Variants in TACC2 observed in about 807,000 individuals in gnomAD.
TACC2 encodes the protein transforming acidic coiled-coil containing protein 2.
TACC2 carries 137 observed loss-of-function variants against 227.3 expected under a neutral mutation model. The observed-to-expected ratio is 0.60, with a 90% CI of 0.52 to 0.69. The LOEUF (loss-of-function observed/expected upper bound fraction) is 0.69. Ranked by LOEUF, TACC2 falls within the 30% of genes least tolerant of loss-of-function variation. The pLI is 0.00. For synonymous variants in TACC2, 1,523 were observed against 1,487.5 expected, an observed-to-expected ratio of 1.02 and a Z score of -0.55; for missense variants, 3,470 against 3,694.4, an observed-to-expected ratio of 0.94 and a Z score of 1.57.
chr10:122,243,109 A>T (rs2096039597), intron 19 of TACC2, among the ~76,000 whole-genome samples: 1 of 152,098 alleles, frequency 6.6e-6, no homozygotes, highest in Non-Finnish European at 1.5e-5. Flanking sequence ...ATGCCTGGCT[A>T]ATTTTTGTAT....
Position 122,087,815 on chromosome 10 carries a change from C to T in TACC2, c.5315C>T (p.Pro1772Leu). 2 of 1,572,252 alleles carry T rather than the reference C, an allele frequency of 1.3e-6. No homozygotes were observed. Among genetic ancestry groups the T allele is most frequent in the South Asian group, 1.2e-5 (1 of 83,066 alleles). The change falls in exon 4 of 23, where the codon CCC becomes CTC. Residue 1772 changes from proline (P) to leucine (L), a missense_variant. Coordinates refer to ENST00000369005, the MANE Select transcript of TACC2 (RefSeq NM_206862.4). Reference protein sequence around the residue: ...AALHGDSPARPQQAKEQPGPE... With the variant: ...AALHGDSPARLQQAKEQPGPE... ...CTTCATGGGGACAGCCCAGCCAGGC[C>T]CCAGCAGGCTAAGGAGCAGCCAGGG... is the stretch of plus-strand genomic sequence containing the variant.
rs372711396 is a variant in TACC2 at position 122,084,435 on chromosome 10, C to T, written c.1935C>T (p.Asp645=). 2.7e-5 allele frequency: 43 copies of T among 1,612,706 alleles called. No individual in the cohort carries two copies. The highest frequency in any genetic ancestry group is 3.4e-5 in the Non-Finnish European group (40 of 1,180,024). Residue 645 remains aspartate (D), a synonymous_variant, in exon 4 of 23, where the codon GAC becomes GAT. Transcript: ENST00000369005. ...PPRKGGAGHT[D]GPHSQTAEAD... ...GAAAGGGGGGTGCTGGGCACACGGA[C>T]GGGCCCCACTCTCAGACAGCAGAGG...
intron 5 of TACC2, among the ~76,000 whole-genome samples, chr10:122,100,242 C>T (rs1159946912): frequency 6.8e-6 from 1 of 146,530 alleles, no homozygotes; most frequent in Non-Finnish European, 1.5e-5. Context: ...CCAGCCTGGG[C>T]AACAGAGCGA....
At position 122,043,471 on chromosome 10, in the gene TACC2, TTCTTTTTC is replaced by T. The variant is rs1201379411; in HGVS notation, c.34-6961_34-6954del. 8.5e-3 allele frequency among the ~76,000 whole-genome samples: 1,291 copies of T among 151,408 alleles called. 21 individuals carry two copies. Among genetic ancestry groups the T allele is most frequent in the African/African-American group, 0.03 (1,218 of 41,124 alleles). Reference sequence around the variant, plus strand: ...TCTTTCTTTCTTTCTCTTTCTTTCTTTCTTTTTCTCTTTCTTTTTCTTTCTTTCTTTTT... The same window carrying T: ...TCTTTCTTTCTTTCTCTTTCTTTCTTTCTTTCTTTTTCTTTCTTTCTTTTT... On this transcript the variant is annotated intron_variant, in intron 2 of 22. Transcript: ENST00000369005.
intron 7 of TACC2, chr10:122,192,668 C>A (rs1438687846): frequency 4.4e-6 from 2 of 456,536 alleles, no homozygotes; most frequent in Admixed American, 4.7e-5. Context: ...AGAGGCTGTT[C>A]TTCAGCGGAA....
At chr10:122,054,891 CG>C (rs2076066793) in intron 3 of TACC2, among the ~76,000 whole-genome samples, 1 of 152,074 alleles carries the variant, frequency 6.6e-6, no homozygotes, top group South Asian at 2.1e-4. Flanking sequence ...CAAAGTTCTC[CG>C]GCTGGCTCCC....
At chr10:122,018,359 C>T (rs1287327121) in intron 1 of TACC2, among the ~76,000 whole-genome samples, 1 of 152,160 alleles carries the variant, frequency 6.6e-6, no homozygotes, top group Non-Finnish European at 1.5e-5. Context: ...GCAGAAACCC[C>T]ATATATGAAA....
intron 5 of TACC2, among the ~76,000 whole-genome samples, chr10:122,091,182 AGCC>A (rs2080774496): frequency 6.6e-6 from 1 of 152,176 alleles, no homozygotes; most frequent in South Asian, 2.1e-4. Flanking sequence ...CTAGCATAGC[AGCC>A]CCTGGCTACG....
intron 5 of TACC2, among the ~76,000 whole-genome samples, chr10:122,095,667 C>T (rs570523680): frequency 6.6e-6 from 1 of 152,202 alleles, no homozygotes; most frequent in African/African-American, 2.4e-5. Flanking sequence ...GACATCAGAT[C>T]TACGTTCAGA....
intron 7 of TACC2, among the ~76,000 whole-genome samples, chr10:122,186,863 A>G (rs2094213390): frequency 6.6e-6 from 1 of 152,210 alleles, no homozygotes; most frequent in African/African-American, 2.4e-5. Context: ...GTTTAGCTAC[A>G]AAGAGATTTT....
Position 122,050,788 on chromosome 10 carries a change from C to G in TACC2, c.146+238C>G. ...CAAAGATGAAATTAGTAATTATAGA[C>G]TTCCATTCCAGCCACACTCCAGAGT... On this transcript the variant is annotated intron_variant, in intron 3 of 22. Coordinates refer to ENST00000369005, the MANE Select transcript of TACC2 (RefSeq NM_206862.4). This position sits in a 1 kb window ranked among gnomAD's most constrained non-coding sequence, Gnocchi z 4.6. The G allele has an allele frequency of 2.0e-6, 1 of 512,366 alleles. No homozygotes were observed. 31.7% of individuals were successfully genotyped at this position (512,366 alleles called of 1,614,324 possible). A position where few individuals can be genotyped will look rare whatever the true frequency, so the allele number is the denominator to read the frequency against.
rs947657728 is a variant in TACC2 at position 122,195,281 on chromosome 10, C to A, written c.5971+105C>A. 3.9e-6 allele frequency: 4 copies of A among 1,016,122 alleles called. No individual in the cohort carries two copies. The Admixed American group carries it at 1.0e-4, about 26-fold the overall frequency. The allele number at this position is 1,016,122 out of a possible 1,614,324, so 62.9% of individuals were successfully genotyped here. A position where few individuals can be genotyped will look rare whatever the true frequency, so the allele number is the denominator to read the frequency against. The stretch of plus-strand genomic sequence containing the variant: ...GTCAGGCTGGAGGCGAGCACTGACT[C>A]GACCTCTTGGCTTTGAGTTGTGCTT... On this transcript the variant is annotated intron_variant, in intron 8 of 22. Transcript: ENST00000369005.
chr10:122,112,242 A>G (rs372038843), intron 5 of TACC2, among the ~76,000 whole-genome samples: 15 of 152,188 alleles, frequency 9.9e-5, no homozygotes, highest in Admixed American at 6.5e-4. Flanking sequence ...TCTAGAGAAA[A>G]GGTGATATGC....
In TACC2 at chr10:122,227,821, C is replaced by A; in HGVS notation, c.7725-16C>A. ...CAATGAGAAGACTAAAGAAAGATGC[C>A]CTTTGCTTCCCCCAGGTCAAGTTTT... On this transcript the variant is annotated splice_polypyrimidine_tract_variant and intron_variant, in intron 13 of 22. Coordinates refer to ENST00000369005, the MANE Select transcript of TACC2 (RefSeq NM_206862.4). The A allele has an allele frequency of 6.2e-7, 1 of 1,600,720 alleles. No individual in the cohort carries two copies. The highest frequency in any genetic ancestry group is 8.5e-7 in the Non-Finnish European group (1 of 1,171,814).
chr10:122,042,534 C>T (rs1010851039), intron 2 of TACC2, among the ~76,000 whole-genome samples: 9 of 152,228 alleles, frequency 5.9e-5, no homozygotes, highest in Non-Finnish European at 1.2e-4. Context: ...TGAGCCACTG[C>T]ACCCAGCCTG....
Position 122,163,868 on chromosome 10 carries a change from T to C in TACC2, c.5834+20162T>C, listed in dbSNP as rs955841746. The C allele has an allele frequency of 2.0e-6, 3 of 1,523,114 alleles. No homozygotes were observed. The African/African-American group carries it at 4.2e-5, about 21-fold the overall frequency. 94.3% of individuals were successfully genotyped at this position (1,523,114 alleles called of 1,614,324 possible). ...TCGCCCCGGCTCCCGGCTGCAGGAA[T>C]CGCGCCAGGACGCTGGCCCCGCTCG... On this transcript the variant is annotated intron_variant, in intron 7 of 22. Transcript: ENST00000369005.
intron 6 of TACC2, among the ~76,000 whole-genome samples, chr10:122,142,382 C>T (rs1347295449): frequency 6.6e-6 from 1 of 152,202 alleles, no homozygotes; most frequent in Non-Finnish European, 1.5e-5. Flanking sequence ...GCTCTGAGGC[C>T]AGGACGGTGA....
At chr10:122,149,455 G>C (rs113986893) in intron 7 of TACC2, among the ~76,000 whole-genome samples, 68 of 152,306 alleles carry the variant, frequency 4.5e-4, no homozygotes, top group African/African-American at 1.4e-3. Flanking sequence ...GGCGGCTGTG[G>C]CGTTGGCTCT....
In TACC2 at chr10:122,087,484, C is replaced by A. The variant is rs756376309; in HGVS notation, c.4984C>A (p.Pro1662Thr). 6.2e-7 allele frequency: 1 copy of A among 1,613,962 alleles called. No individual in the cohort carries two copies. Among genetic ancestry groups the A allele is most frequent in the Non-Finnish European group, 8.5e-7 (1 of 1,180,036 alleles). ...TGACACGCTTGGGGGTGAAAGGAGA[C>A]CCGGAGTCACTGCTGGCATCTTGGA... is the stretch of plus-strand genomic sequence containing the variant. ...TLDTLGGERRPGVTAGILEMR... is the reference protein window; with the variant it reads ...TLDTLGGERRTGVTAGILEMR... Residue 1662 changes from proline (P) to threonine (T), a missense_variant, in exon 4 of 23, where the codon CCC becomes ACC. By Grantham distance (38) the Pro-to-Thr change is conservative (BLOSUM62 -1). Around this residue, in one of 10 missense-constraint regions of TACC2, gnomAD observed 1,924 missense variants for 1,978.3 expected, o/e 0.97. Coordinates refer to ENST00000369005, the MANE Select transcript of TACC2 (RefSeq NM_206862.4).
Sources: gnomAD v4.1 joint callset for allele counts (sites outside exome capture counted in the v4.1 genomes callset) on GRCh38, gnomAD v4.1.1 for gene constraint, gnomAD v4.1.1 regional missense constraint, Gnocchi (gnomAD v3.1) non-coding constraint, MANE v1.5 for transcripts, NCBI Gene and HGNC (gene_info 2026-07-23, HGNC 2026-07-21) for gene names.